THRB: variants seen among roughly 807,000 people sequenced by gnomAD.
The protein encoded by THRB is thyroid hormone receptor beta, also known as nuclear receptor subfamily 1 group A member 2.
A neutral mutation model predicts 47.8 loss-of-function variants in THRB; 12 were observed. The ratio of observed to expected loss-of-function variants is 0.25; its 90% CI spans 0.16 to 0.41. The LOEUF (loss-of-function observed/expected upper bound fraction) is 0.41, where lower values mean the gene tolerates loss of function less well. THRB is among the 10% of genes least tolerant of loss of function. The probability of loss-of-function intolerance (pLI) is 1.00; values close to 1 mark genes in which losing one functional copy is unlikely to be tolerated. For synonymous variants in THRB, 218 were observed against 212.2 expected, an observed-to-expected ratio of 1.03 and a Z score of -0.24; for missense variants, 348 against 589.2, an observed-to-expected ratio of 0.59 and a Z score of 4.24.
chr3:24,298,704 G>C (rs1184894956), intron 2 of THRB, among the ~76,000 whole-genome samples: 1 of 152,140 alleles, frequency 6.6e-6, no homozygotes, highest in African/African-American at 2.4e-5. Flanking sequence ...TAGGGAGGAA[G>C]TGAATTGCCA....
chr3:24,302,145 A>C (rs2056985562), intron 2 of THRB, among the ~76,000 whole-genome samples: 1 of 152,222 alleles, frequency 6.6e-6, no homozygotes. Flanking sequence ...AATGTGTACC[A>C]TTATCCACCT....
chr3:24,279,577 A>G (rs1466878147), intron 3 of THRB, among the ~76,000 whole-genome samples: 77 of 98,112 alleles, frequency 7.8e-4, no homozygotes, highest in Middle Eastern at 5.4e-3. Context: ...TTTTTTTTTT[A>G]GTAGAGACGG....
chr3:24,263,202 G>C (rs1486709764), intron 3 of THRB, among the ~76,000 whole-genome samples: 1 of 152,136 alleles, frequency 6.6e-6, no homozygotes, highest in Non-Finnish European at 1.5e-5. Flanking sequence ...CTGCTGGACT[G>C]CTTCCAATTT....
chr3:24,265,743 T>C (rs1015893104), intron 3 of THRB, among the ~76,000 whole-genome samples: 1 of 152,160 alleles, frequency 6.6e-6, no homozygotes, highest in Non-Finnish European at 1.5e-5. Flanking sequence ...TGTCCAATCG[T>C]AGATTATTTG....
chr3:24,279,727 C>A (rs2054342256), intron 3 of THRB, among the ~76,000 whole-genome samples: 1 of 152,050 alleles, frequency 6.6e-6, no homozygotes, highest in Non-Finnish European at 1.5e-5. Flanking sequence ...ACTTTTAGAT[C>A]ACTTCAAAAC....
chr3:24,473,838 A>G (rs1242019017), intron 1 of THRB, among the ~76,000 whole-genome samples: 3 of 152,190 alleles, frequency 2.0e-5, no homozygotes, highest in African/African-American at 7.2e-5. Context: ...TATCACAGGA[A>G]CAGAAAACCA....
intron 1 of THRB, among the ~76,000 whole-genome samples, chr3:24,399,803 A>G (rs905048799): frequency 6.6e-6 from 1 of 152,092 alleles, no homozygotes; most frequent in African/African-American, 2.4e-5. Context: ...ACCATATCCC[A>G]GGTGTGCTGA....
intron 1 of THRB, among the ~76,000 whole-genome samples, chr3:24,475,811 T>C (rs142095184): frequency 6.6e-6 from 1 of 152,338 alleles, no homozygotes; most frequent in African/African-American, 2.4e-5. Context: ...AAAGATTCTA[T>C]ATAACAGACA....
chr3:24,211,757 T>G (rs1002712148), intron 4 of THRB, among the ~76,000 whole-genome samples: 1 of 152,190 alleles, frequency 6.6e-6, no homozygotes, highest in African/African-American at 2.4e-5. Context: ...TCATGAAGTC[T>G]TTATCTTGTT....
intron 1 of THRB, among the ~76,000 whole-genome samples, chr3:24,463,570 T>A (rs2125678735): frequency 6.6e-6 from 1 of 152,324 alleles, no homozygotes; most frequent in Admixed American, 6.5e-5. Flanking sequence ...CATTTGATAA[T>A]AATCTTTCAA....
At chr3:24,264,380 C>T (rs559438615) in intron 3 of THRB, among the ~76,000 whole-genome samples, 1 of 152,042 alleles carries the variant, frequency 6.6e-6, no homozygotes, top group Non-Finnish European at 1.5e-5. Flanking sequence ...TTTATTGTAC[C>T]TCTTAAATTT....
chr3:24,370,590 C>G (rs1020785076), intron 1 of THRB, among the ~76,000 whole-genome samples: 5 of 152,066 alleles, frequency 3.3e-5, no homozygotes, highest in Non-Finnish European at 5.9e-5. Flanking sequence ...CAATGCTCCA[C>G]TATTTCAGAA....
At chr3:24,160,924 C>T (rs2038713101) in intron 5 of THRB, among the ~76,000 whole-genome samples, 1 of 152,194 alleles carries the variant, frequency 6.6e-6, no homozygotes. Flanking sequence ...TGGACTCCTA[C>T]TGTTAGCTTT....
Position 24,229,021 on chromosome 3 carries a change from A to C in THRB, c.-42-20T>G. The C allele has an allele frequency of 7.4e-7, 1 of 1,348,614 alleles. No individual in the cohort carries two copies. The highest frequency in any genetic ancestry group is 2.3e-5 in the East Asian group (1 of 43,432). 83.5% of individuals were successfully genotyped at this position (1,348,614 alleles called of 1,614,324 possible). A position where few individuals can be genotyped will look rare whatever the true frequency, so the allele number is the denominator to read the frequency against. On this transcript the variant is annotated intron_variant, in intron 3 of 10. Coordinates refer to ENST00000646209, the MANE Select transcript of THRB (RefSeq NM_001354712.2). Reference sequence around the variant, plus strand: ...CATCTCCTACAAGGAAAAAATACAAAAAAAATCACAGATTATAATCTGCAT... The same window carrying C: ...CATCTCCTACAAGGAAAAAATACAACAAAAATCACAGATTATAATCTGCAT...
At chr3:24,234,500 C>A (rs73039615) in intron 3 of THRB, among the ~76,000 whole-genome samples, 1 of 152,058 alleles carries the variant, frequency 6.6e-6, no homozygotes, top group Non-Finnish European at 1.5e-5. Context: ...AAAAAACAAG[C>A]CTGGAGGCTG....
At chr3:24,218,389 A>C (rs1404617934) in intron 4 of THRB, among the ~76,000 whole-genome samples, 3 of 144,228 alleles carry the variant, frequency 2.1e-5, no homozygotes, top group Non-Finnish European at 3.0e-5. Flanking sequence ...AGCTGTACGG[A>C]AAATTCTTTT....
intron 1 of THRB, among the ~76,000 whole-genome samples, chr3:24,358,587 TTACAC>T (rs2063850320): frequency 6.6e-6 from 1 of 152,180 alleles, no homozygotes; most frequent in Admixed American, 6.5e-5. Context: ...TCATAAATAT[TTACAC>T]TATACTTTCC....
chr3:24,463,508 C>A (rs2073880098), intron 1 of THRB, among the ~76,000 whole-genome samples: 1 of 152,136 alleles, frequency 6.6e-6, no homozygotes. Flanking sequence ...GGGCTCACCT[C>A]AGCCTCCACA....
chr3:24,203,623 C>T (rs1273718711), intron 4 of THRB, among the ~76,000 whole-genome samples: 2 of 152,050 alleles, frequency 1.3e-5, no homozygotes, highest in Non-Finnish European at 2.9e-5. Context: ...ACTGAGGTAC[C>T]AGGTTCATCT....
Sources: allele counts gnomAD v4.1 joint callset (sites outside exome capture counted in the v4.1 genomes callset), GRCh38; gene constraint gnomAD v4.1.1; transcripts MANE v1.5; gene names NCBI Gene and HGNC (gene_info 2026-07-23, HGNC 2026-07-21).